Variants in MEAK7 observed in about 807,000 individuals in gnomAD.
The protein encoded by MEAK7 is MTOR-associated protein MEAK7.
A neutral mutation model predicts 40.5 loss-of-function variants in MEAK7; 68 were observed. The observed-to-expected ratio is 1.68, with a 90% CI of 1.38 to 2.06. MEAK7 has a LOEUF of 2.06. Ranked by LOEUF, MEAK7 falls within the 30% of genes most tolerant of loss-of-function variation. The pLI is 0.00. For synonymous variants in MEAK7, 338 were observed against 231.9 expected, an observed-to-expected ratio of 1.46 and a Z score of -4.16; for missense variants, 918 against 580.5, an observed-to-expected ratio of 1.58 and a Z score of -5.98.
intron 1 of MEAK7, among the ~76,000 whole-genome samples, chr16:84,501,527 C>A (rs1914505511): frequency 6.6e-6 from 1 of 152,140 alleles, no homozygotes; most frequent in Non-Finnish European, 1.5e-5. Context: ...CAGGGCTGGG[C>A]AAGTGCCAAC....
rs1914002638 is a variant in MEAK7, at chr16:84,495,874, T to C, written c.193A>G (p.Arg65Gly). Residue 65 changes from arginine (R) to glycine (G), a missense_variant, in exon 3 of 8, where the codon AGG becomes GGG. Coordinates refer to ENST00000343629, the MANE Select transcript of MEAK7 (RefSeq NM_020947.4). The part of the protein sequence containing the change: ...GEALPPEMVT[R>G]LYDGMRRVDL... ...ACCCTCCGCATGCCATCATACAGCC[T>C]GGTGACCATCTCTGGGGGAAGAGCT... is the stretch of plus-strand genomic sequence containing the variant. The C allele has an allele frequency of 1.2e-6, 2 of 1,614,106 alleles. No homozygotes were observed. The highest frequency in any genetic ancestry group is 1.7e-6 in the Non-Finnish European group (2 of 1,180,022).
At chr16:84,486,499 G>T (rs541913260) in intron 5 of MEAK7, 132 bp downstream of exon 5, 1 of 1,441,344 alleles carries the variant, frequency 6.9e-7, no homozygotes, top group Non-Finnish European at 9.1e-7. Flanking sequence ...TTTTCCTATC[G>T]CCCCGACTGC....
Position 84,495,493 on chromosome 16 carries a change from T to C in MEAK7, c.384+190A>G, listed in dbSNP as rs560999753. 8 of 603,080 alleles carry C rather than the reference T, an allele frequency of 1.3e-5. No homozygotes were observed. In the East Asian group the frequency reaches 2.0e-4, roughly 15 times the overall value. 37.4% of individuals were successfully genotyped at this position (603,080 alleles called of 1,614,324 possible). The stretch of plus-strand genomic sequence containing the variant: ...AGTCCTGAAGCCCTCAAAATCATCT[T>C]TGGAGAAAGGCACAGGCCTCTCTCC... On this transcript the variant is annotated intron_variant, in intron 3 of 7. Coordinates refer to ENST00000343629, the MANE Select transcript of MEAK7 (RefSeq NM_020947.4).
chr16:84,484,362 C>T lies in MEAK7; in HGVS notation c.959-1652G>A, dbSNP rs553543385. ...CGGCCACCAGCACCTGACGCTCGGC[C>T]GCCGAGGAGCTGCCTGCCCACACAG... is the stretch of plus-strand genomic sequence containing the variant. On this transcript the variant is annotated intron_variant, in intron 5 of 7. Transcript: ENST00000343629. Among the ~76,000 whole-genome samples, 21 of 152,318 alleles carry T rather than the reference C, an allele frequency of 1.4e-4. No individual in the cohort carries two copies. In the East Asian group the frequency reaches 3.9e-3, roughly 28 times the overall value.
intron 3 of MEAK7, among the ~76,000 whole-genome samples, chr16:84,492,928 T>C (rs1913746494): frequency 6.6e-6 from 1 of 152,212 alleles, no homozygotes; most frequent in Admixed American, 6.5e-5. Context: ...CTTTCCAGAA[T>C]CAAATTCAAA....
chr16:84,489,212 G>T, intron 4 of MEAK7, 66 bp downstream of exon 4: 1 of 1,568,012 alleles, frequency 6.4e-7, no homozygotes, highest in South Asian at 1.2e-5. Flanking sequence ...CACAGCTACA[G>T]TAATGGAGAC....
rs1267768062 is a variant in MEAK7, at chr16:84,498,078, G to A, written c.9C>T (p.Asn3=). ...AGCTCCGCCCCACACGGCTTCTGCT[G>A]TTCCCCATCTGTCCTGATATCTGGC... MG[N]SRSRVGRSFC... The change falls in exon 2 of 8, where the codon AAC becomes AAT. Residue 3 remains asparagine, a synonymous_variant. Transcript: ENST00000343629. 3 of 1,610,232 alleles carry A rather than the reference G, an allele frequency of 1.9e-6. No homozygotes were observed. Among genetic ancestry groups the A allele is most frequent in the Admixed American group, 3.4e-5 (2 of 59,410 alleles).
rs376006447 is a variant in MEAK7, at chr16:84,495,888, G to C, written c.179C>G (p.Pro60Arg). 1 of 1,613,886 alleles carries C rather than the reference G, an allele frequency of 6.2e-7. No homozygotes were observed. ...LQNHVGEALP[P>R]EMVTRLYDGM... ...ATCATACAGCCTGGTGACCATCTCT[G>C]GGGGAAGAGCTTCCCCGACGTGGTT... The change falls in exon 3 of 8, where the codon CCA becomes CGA. Residue 60 changes from proline to arginine, a missense_variant. By Grantham distance (103) the Pro-to-Arg change is moderately radical (BLOSUM62 -2). Coordinates refer to ENST00000343629, the MANE Select transcript of MEAK7 (RefSeq NM_020947.4).
At chr16:84,480,085 T>G in intron 7 of MEAK7, 59 bp from the exon 8 acceptor site, 1 of 1,349,128 alleles carries the variant, frequency 7.4e-7, no homozygotes, top group Non-Finnish European at 1.0e-6. Flanking sequence ...AGGCAGCAGC[T>G]TCCTGCTAGT....
chr16:84,498,671 T>G (rs1206878889), intron 1 of MEAK7, among the ~76,000 whole-genome samples: 1 of 152,080 alleles, frequency 6.6e-6, no homozygotes, highest in East Asian at 1.9e-4. Context: ...CACCCATAAT[T>G]GTCACAAAGT....
At chr16:84,481,127 G>A (rs570041930) in intron 6 of MEAK7, among the ~76,000 whole-genome samples, 14 of 152,344 alleles carry the variant, frequency 9.2e-5, no homozygotes, top group South Asian at 6.2e-4. Flanking sequence ...CCCCGCTTCC[G>A]GGCAGCGATC....
intron 1 of MEAK7, among the ~76,000 whole-genome samples, chr16:84,503,343 G>C (rs752825035): frequency 3.9e-5 from 6 of 152,160 alleles, no homozygotes; most frequent in Non-Finnish European, 8.8e-5. Context: ...CCTGCCTTCA[G>C]TAACAAACTG....
At position 84,478,101 on chromosome 16, in the gene MEAK7, G is replaced by C. The variant is rs1320192685; in HGVS notation, c.*1812C>G. ...CAGTTTAATAGTGAGGTATTTAATTGCATTTTTATAAAAAACATTGCAAAA... is the reference window on the plus strand; with the variant it reads ...CAGTTTAATAGTGAGGTATTTAATTCCATTTTTATAAAAAACATTGCAAAA... On this transcript the variant is annotated 3_prime_UTR_variant, in exon 8 of 8. Transcript: ENST00000343629. 1.3e-5 allele frequency: 2 copies of C among 150,282 alleles called. No individual in the cohort carries two copies. Among genetic ancestry groups the C allele is most frequent in the Admixed American group, 1.3e-4 (2 of 15,134 alleles). 9.3% of individuals were successfully genotyped at this position (150,282 alleles called of 1,614,324 possible). A position where few individuals can be genotyped will look rare whatever the true frequency, so the allele number is the denominator to read the frequency against.
rs765094891 is a variant in MEAK7 at position 84,480,583 on chromosome 16, G to A, written c.1203C>T (p.Phe401=). 6.2e-6 allele frequency: 10 copies of A among 1,614,044 alleles called. 1 individual carries two copies. The highest frequency in any genetic ancestry group is 1.7e-4 in the Middle Eastern group (1 of 6,048). The change falls in exon 7 of 8, where the codon TTC becomes TTT. Residue 401 remains phenylalanine (F), a synonymous_variant. Coordinates refer to ENST00000343629, the MANE Select transcript of MEAK7 (RefSeq NM_020947.4). The part of the protein sequence containing the change: ...NSPQLSAQEN[F]QFDKMEVWAV... Reference sequence around the variant, plus strand: ...CCCACACCTCCATCTTATCAAACTGGAAGTTCTCCTGAGCCGACAGCTGCG... The same window carrying A: ...CCCACACCTCCATCTTATCAAACTGAAAGTTCTCCTGAGCCGACAGCTGCG...
chr16:84,500,118 C>G lies in MEAK7; in HGVS notation c.-25-2007G>C, dbSNP rs1024591189. 2.0e-5 allele frequency: 3 copies of G among 152,310 alleles called. 1 individual carries two copies. The South Asian group carries it at 6.2e-4, about 32-fold the overall frequency. 9.4% of individuals were successfully genotyped at this position (152,310 alleles called of 1,614,324 possible). On this transcript the variant is annotated intron_variant, in intron 1 of 7. Coordinates refer to ENST00000343629, the MANE Select transcript of MEAK7 (RefSeq NM_020947.4). The stretch of plus-strand genomic sequence containing the variant: ...CATTTAGCATCGTGTTTTTGAGGCC[C>G]ACCTATGTTGTAGCGCGGGTCAGCA...
At chr16:84,490,296 A>G (rs2150635186) in intron 3 of MEAK7, among the ~76,000 whole-genome samples, 1 of 149,488 alleles carries the variant, frequency 6.7e-6, no homozygotes, top group East Asian at 1.9e-4. Context: ...AAAAAAAAAG[A>G]AGGAAAGAGC....
intron 6 of MEAK7, among the ~76,000 whole-genome samples, chr16:84,481,656 G>A (rs1425921404): frequency 6.6e-6 from 1 of 152,174 alleles, no homozygotes; most frequent in African/African-American, 2.4e-5. Context: ...TCTGTCAGCT[G>A]GGCGCAGTGG....
intron 5 of MEAK7, among the ~76,000 whole-genome samples, chr16:84,484,954 G>A (rs572694686): frequency 6.6e-6 from 1 of 152,342 alleles, no homozygotes; most frequent in South Asian, 2.1e-4. Context: ...AGCCAGCAGA[G>A]TCCATCTGAA....
intron 1 of MEAK7, among the ~76,000 whole-genome samples, chr16:84,500,822 G>C (rs1318910148): frequency 6.6e-6 from 1 of 152,102 alleles, no homozygotes; most frequent in African/African-American, 2.4e-5. Flanking sequence ...AAACAAAGCA[G>C]ACCCACCCTC....
Sources: allele counts gnomAD v4.1 joint callset (sites outside exome capture counted in the v4.1 genomes callset), GRCh38; gene constraint gnomAD v4.1.1; transcripts MANE v1.5; gene names NCBI Gene and HGNC (gene_info 2026-07-23, HGNC 2026-07-21).